HS6ST3: variants seen among roughly 807,000 people sequenced by gnomAD.
The protein encoded by HS6ST3 is heparan-sulfate 6-O-sulfotransferase 3.
HS6ST3 carries 12 observed loss-of-function variants against 36.7 expected under a neutral mutation model. That is an observed-to-expected ratio of 0.33 (90% confidence interval 0.21 to 0.53). The LOEUF (loss-of-function observed/expected upper bound fraction) is 0.53, where lower values mean the gene tolerates loss of function less well. Ranked by LOEUF, HS6ST3 falls within the 20% of genes least tolerant of loss-of-function variation. The pLI, the probability that HS6ST3 is intolerant of heterozygous loss-of-function variation, is 0.95. For missense variants in HS6ST3, 584 were observed against 640.9 expected (o/e 0.91, Z 0.96); for synonymous variants, 240 against 257.5 (o/e 0.93, Z 0.65).
chr13:96,808,538 T>A (rs147742651), intron 1 of HS6ST3, among the ~76,000 whole-genome samples: 1,721 of 152,314 alleles, frequency 0.011, 19 homozygotes, highest in Non-Finnish European at 0.019. Context: ...CATGCTTGCT[T>A]TGGATAGACA....
chr13:96,602,069 T>G (rs769004588), intron 1 of HS6ST3, among the ~76,000 whole-genome samples: 2 of 152,148 alleles, frequency 1.3e-5, no homozygotes, highest in African/African-American at 4.8e-5. Context: ...GTTAAACAGG[T>G]CAGCCTCCAC....
At chr13:96,588,331 A>C (rs145210800) in intron 1 of HS6ST3, among the ~76,000 whole-genome samples, 3 of 152,234 alleles carry the variant, frequency 2.0e-5, no homozygotes, top group East Asian at 3.9e-4. Context: ...AAAAGCTTTC[A>C]AAGTGTTCCT....
intron 1 of HS6ST3, among the ~76,000 whole-genome samples, chr13:96,518,103 G>A (rs118159662): frequency 0.018 from 2,682 of 152,108 alleles, 35 homozygotes; most frequent in Non-Finnish European, 0.026. Flanking sequence ...AACTGACACA[G>A]GAATAGAAAG....
At chr13:96,654,101 G>A (rs2056616457) in intron 1 of HS6ST3, among the ~76,000 whole-genome samples, 1 of 152,070 alleles carries the variant, frequency 6.6e-6, no homozygotes, top group Non-Finnish European at 1.5e-5. Context: ...GTAGATTCTG[G>A]CTATTAGCCC....
intron 1 of HS6ST3, among the ~76,000 whole-genome samples, chr13:96,516,756 A>C (rs2138924018): frequency 6.6e-6 from 1 of 152,216 alleles, no homozygotes; most frequent in Non-Finnish European, 1.5e-5. Context: ...TAGTTTTCAA[A>C]ATTTTTAGAT....
chr13:96,789,262 C>G (rs1877723864), intron 1 of HS6ST3, among the ~76,000 whole-genome samples: 1 of 151,634 alleles, frequency 6.6e-6, no homozygotes, highest in Admixed American at 6.6e-5. Context: ...TATTTTATTA[C>G]TTTAAGTGGA....
intron 1 of HS6ST3, among the ~76,000 whole-genome samples, chr13:96,347,257 C>T (rs1195699668): frequency 6.6e-6 from 1 of 152,172 alleles, no homozygotes; most frequent in Admixed American, 6.5e-5. Context: ...TGGATGCAGC[C>T]TGCTTTCCTG....
intron 1 of HS6ST3, among the ~76,000 whole-genome samples, chr13:96,589,428 T>A (rs1160602508): frequency 6.6e-6 from 1 of 152,118 alleles, no homozygotes; most frequent in Non-Finnish European, 1.5e-5. Flanking sequence ...TTCTTTCTGT[T>A]GTCTTATTAC....
In HS6ST3 at chr13:96,095,864, G is replaced by GT. The variant is rs2053788081; in HGVS notation, c.707+4296dup. Among the ~76,000 whole-genome samples, 3 of 944 alleles carry GT rather than the reference G, an allele frequency of 3.2e-3. No homozygotes were observed. In the Admixed American group the frequency reaches 0.12, roughly 36 times the overall value. The allele number at this position is 944 out of a possible 152,430, so 0.6% of individuals were successfully genotyped here. A position where few individuals can be genotyped will look rare whatever the true frequency, so the allele number is the denominator to read the frequency against. ...TATCACAGAACCATTTATATGACTG[G>GT]TGTGTGTGTGTGTGTGTGTGTGTGT... is the stretch of plus-strand genomic sequence containing the variant. On this transcript the variant is annotated intron_variant, in intron 1 of 1. Coordinates refer to ENST00000376705, the MANE Select transcript of HS6ST3 (RefSeq NM_153456.4).
In HS6ST3 at chr13:96,593,580, G is replaced by A. The variant is rs571788442; in HGVS notation, c.708-238910G>A. 7.1e-4 allele frequency among the ~76,000 whole-genome samples: 108 copies of A among 151,350 alleles called. No homozygotes were observed. In the Middle Eastern group the frequency reaches 0.01, roughly 14 times the overall value. On this transcript the variant is annotated intron_variant, in intron 1 of 1. Coordinates refer to ENST00000376705, the MANE Select transcript of HS6ST3 (RefSeq NM_153456.4). ...AATTCTACTACTAAAAGACTCTGAT[G>A]CATTCTTCAGTATGCCCACTTCATT...
At chr13:96,429,459 A>G (rs1414766107) in intron 1 of HS6ST3, among the ~76,000 whole-genome samples, 3 of 152,194 alleles carry the variant, frequency 2.0e-5, no homozygotes, top group Non-Finnish European at 2.9e-5. Flanking sequence ...CTGAGCTACT[A>G]TATGTAATTT....
At chr13:96,256,846 C>T (rs926359878) in intron 1 of HS6ST3, among the ~76,000 whole-genome samples, 3 of 152,082 alleles carry the variant, frequency 2.0e-5, no homozygotes, top group Non-Finnish European at 4.4e-5. Flanking sequence ...ATCATCCAAA[C>T]CAGTATCATT....
intron 1 of HS6ST3, among the ~76,000 whole-genome samples, chr13:96,648,706 G>A (rs1020870227): frequency 2.6e-5 from 4 of 151,900 alleles, no homozygotes; most frequent in Admixed American, 2.0e-4. Context: ...CTGTGTCCAT[G>A]TGTTCTCATT....
intron 1 of HS6ST3, among the ~76,000 whole-genome samples, chr13:96,824,392 T>C (rs751054145): frequency 1.3e-5 from 2 of 152,232 alleles, no homozygotes; most frequent in Non-Finnish European, 2.9e-5. Context: ...CTCTTTATTA[T>C]GATACTTCGC....
intron 1 of HS6ST3, among the ~76,000 whole-genome samples, chr13:96,787,275 C>T (rs1877675122): frequency 6.6e-6 from 1 of 151,956 alleles, no homozygotes. Flanking sequence ...TCATTCCTAC[C>T]ACAGGAGTGA....
intron 1 of HS6ST3, chr13:96,574,301 C>T (rs1042489368): frequency 4.5e-5 from 17 of 380,766 alleles, no homozygotes; most frequent in African/African-American, 1.9e-4. Context: ...AGGCATCAAA[C>T]GTACCGCCTC....
At chr13:96,525,188 C>A (rs991481471) in intron 1 of HS6ST3, among the ~76,000 whole-genome samples, 3 of 152,134 alleles carry the variant, frequency 2.0e-5, no homozygotes, top group African/African-American at 7.2e-5. Context: ...GACACCTTGA[C>A]CTTCAACCTC....
intron 1 of HS6ST3, among the ~76,000 whole-genome samples, chr13:96,563,644 G>A (rs2138956995): frequency 6.6e-6 from 1 of 152,326 alleles, no homozygotes; most frequent in African/African-American, 2.4e-5. Flanking sequence ...GGCAAAAGCT[G>A]TAATGGGTGA....
At chr13:96,254,095 T>G (rs77450810) in intron 1 of HS6ST3, among the ~76,000 whole-genome samples, 4,073 of 152,148 alleles carry the variant, frequency 0.027, 75 homozygotes, top group East Asian at 0.054. Context: ...ATATAACTTT[T>G]CCACCATAGA....
Sources: allele counts gnomAD v4.1 joint callset (sites outside exome capture counted in the v4.1 genomes callset), GRCh38; gene constraint gnomAD v4.1.1; transcripts MANE v1.5; gene names NCBI Gene and HGNC (gene_info 2026-07-23, HGNC 2026-07-21).